Variants in MKNK1 observed in about 807,000 individuals in gnomAD.
MKNK1 encodes MAPK interacting serine/threonine kinase 1, also known as MAP kinase-interacting serine/threonine-protein kinase 1.
MKNK1 carries 30 observed loss-of-function variants against 49.3 expected under a neutral mutation model. The ratio of observed to expected loss-of-function variants is 0.61; its 90% CI spans 0.46 to 0.83. The LOEUF is 0.83. Ranked by LOEUF, MKNK1 falls within the 40% of genes least tolerant of loss-of-function variation. The probability of loss-of-function intolerance (pLI) is 0.00; values close to 1 mark genes in which losing one functional copy is unlikely to be tolerated. For synonymous variants in MKNK1, 176 were observed against 201.7 expected, an observed-to-expected ratio of 0.87 and a Z score of 1.08; for missense variants, 423 against 524.7, an observed-to-expected ratio of 0.81 and a Z score of 1.89.
intron 1 of MKNK1, among the ~76,000 whole-genome samples, chr1:46,596,511 G>A (rs1246311160): frequency 2.6e-5 from 4 of 152,142 alleles, no homozygotes; most frequent in South Asian, 2.1e-4. Context: ...ATTTTGCCAC[G>A]TGGAGCCACC....
chr1:46,585,475 GTC>G, intron 2 of MKNK1: 4 of 180,894 alleles, frequency 2.2e-5, no homozygotes, highest in Non-Finnish European at 4.8e-5. Flanking sequence ...AGGAACCATT[GTC>G]TCTCTCTCTT....
At chr1:46,558,860 G>C in intron 12 of MKNK1, 60 bp from the exon 13 acceptor site, 1 of 1,434,638 alleles carries the variant, frequency 7.0e-7, no homozygotes, top group South Asian at 1.3e-5. Context: ...AGCCAGGCCA[G>C]CTCCGGGACA....
chr1:46,582,677 C>G (rs1315655855), intron 3 of MKNK1: 6 of 358,380 alleles, frequency 1.7e-5, no homozygotes, highest in Non-Finnish European at 3.3e-5. Context: ...GAGCCTAGTG[C>G]CTCGCACACA....
chr1:46,601,835 A>T (rs1039733009), intron 1 of MKNK1, among the ~76,000 whole-genome samples: 1 of 152,216 alleles, frequency 6.6e-6, no homozygotes, highest in East Asian at 1.9e-4. Flanking sequence ...ACAGAGGAGG[A>T]AGGAAAGAGA....
At chr1:46,575,773 T>C (rs768438485) in intron 5 of MKNK1, 6 of 152,078 alleles carry the variant, frequency 3.9e-5, no homozygotes, top group African/African-American at 7.2e-5. Context: ...AAAATAAAAA[T>C]CTGTCCCTCA....
intron 1 of MKNK1, chr1:46,594,780 A>G: frequency 3.0e-6 from 1 of 333,560 alleles, no homozygotes; most frequent in Non-Finnish European, 6.0e-6. Flanking sequence ...GGATTGACTG[A>G]GCTCAGAAGT....
At chr1:46,572,271 T>C (rs1215798287) in intron 6 of MKNK1, 104 bp from the exon 7 acceptor site, 12 of 915,676 alleles carry the variant, frequency 1.3e-5, no homozygotes, top group Non-Finnish European at 1.7e-5. Context: ...TGGAGAGTAG[T>C]GGCACGATCT....
intron 4 of MKNK1, among the ~76,000 whole-genome samples, chr1:46,577,925 T>A (rs1671215803): frequency 6.6e-6 from 1 of 152,240 alleles, no homozygotes; most frequent in Non-Finnish European, 1.5e-5. Context: ...TCCTCTTCCT[T>A]CATTGAGACT....
At chr1:46,571,974 G>GC in intron 7 of MKNK1, 89 bp downstream of exon 7, 1 of 1,191,014 alleles carries the variant, frequency 8.4e-7, no homozygotes, top group Non-Finnish European at 1.2e-6. Flanking sequence ...ACCATCTCCT[G>GC]CACCAGCCCT....
chr1:46,585,900 G>A (rs752748635), intron 2 of MKNK1: 1 of 1,363,218 alleles, frequency 7.3e-7, no homozygotes, highest in Admixed American at 1.9e-5. Flanking sequence ...GGATTTCAAT[G>A]AAAGAGGGTA....
At chr1:46,593,291 C>T (rs770805684) in intron 2 of MKNK1, among the ~76,000 whole-genome samples, 6 of 152,280 alleles carry the variant, frequency 3.9e-5, no homozygotes, top group Admixed American at 6.5e-5. Flanking sequence ...CTCCGCCTCC[C>T]GGGTTCAAGC....
Position 46,558,749 on chromosome 1 carries a change from A to G in MKNK1, c.1065T>C (p.Leu355=), listed in dbSNP as rs201529168. The G allele has an allele frequency of 7.4e-5, 119 of 1,614,234 alleles. No homozygotes were observed. The East Asian group carries it at 1.9e-3, about 26-fold the overall frequency. ...CTTCGTGCTGAGATAGCTGGCGGTT[A>G]AGGGCGATGGCCTCAGCTGCGAAGA... is the stretch of plus-strand genomic sequence containing the variant. ...LTLFAAEAIA[L]NRQLSQHEEN... Residue 355 remains leucine, a synonymous_variant, in exon 13 of 13, where the codon CTT becomes CTC. Transcript: ENST00000371945.
intron 3 of MKNK1, 51 bp downstream of exon 3, chr1:46,583,177 C>G (rs1282529551): frequency 2.8e-6 from 4 of 1,453,098 alleles, no homozygotes; most frequent in Admixed American, 1.7e-5. Context: ...GGATGCTCCT[C>G]CCATGCTTGG....
rs760617659 is a variant in MKNK1, at chr1:46,561,624, T to C, written c.823A>G (p.Ile275Val). 2.5e-6 allele frequency: 4 copies of C among 1,614,164 alleles called. No homozygotes were observed. The highest frequency in any genetic ancestry group is 1.1e-5 in the South Asian group (1 of 91,086). Residue 275 changes from isoleucine (I) to valine (V), a missense_variant, in exon 11 of 13, where the codon ATC becomes GTC. Transcript: ENST00000371945. ...GGAAACTCATACTTGCCTTCCTGGATGCTTTCAAACAGCTTGTTCTAGGTA... is the reference window on the plus strand; with the variant it reads ...GGAAACTCATACTTGCCTTCCTGGACGCTTTCAAACAGCTTGTTCTAGGTA... ...RVCQNKLFES[I>V]QEGKYEFPDK... is the part of the protein sequence containing the mutation.
At chr1:46,560,415 C>A in intron 11 of MKNK1, 138 bp from the exon 12 acceptor site, 1 of 887,244 alleles carries the variant, frequency 1.1e-6, no homozygotes, top group South Asian at 1.5e-5. Context: ...CTTGCAGGGT[C>A]AGGCCTTCCA....
chr1:46,594,861 C>A, intron 1 of MKNK1: 1 of 417,698 alleles, frequency 2.4e-6, no homozygotes, highest in Non-Finnish European at 4.8e-6. Flanking sequence ...GGCATGGTGG[C>A]ACACACCTGT....
At chr1:46,566,505 AGGAGT>A (rs1669090743) in intron 8 of MKNK1, among the ~76,000 whole-genome samples, 1 of 152,208 alleles carries the variant, frequency 6.6e-6, no homozygotes. Context: ...GGTAATACCT[AGGAGT>A]GGAATTGCTG....
At chr1:46,593,192 A>AT (rs1350357532) in intron 2 of MKNK1, among the ~76,000 whole-genome samples, 59 of 152,258 alleles carry the variant, frequency 3.9e-4, no homozygotes, top group Admixed American at 3.0e-3. Flanking sequence ...CTGAAAAGAC[A>AT]CATCTCAAAT....
chr1:46,571,212 A>G (rs1189154618), intron 7 of MKNK1, among the ~76,000 whole-genome samples: 1 of 152,234 alleles, frequency 6.6e-6, no homozygotes, highest in Non-Finnish European at 1.5e-5. Context: ...TGAGTTACCA[A>G]TGTGCTTTTC....
Sources: allele counts gnomAD v4.1 joint callset (sites outside exome capture counted in the v4.1 genomes callset), GRCh38; gene constraint gnomAD v4.1.1; transcripts MANE v1.5; gene names NCBI Gene and HGNC (gene_info 2026-07-23, HGNC 2026-07-21).